Variants in CMSS1 observed in about 807,000 individuals in gnomAD.
The protein encoded by CMSS1 is protein CMSS1.
Under a neutral mutation model 43.5 loss-of-function variants are expected in CMSS1, and 33 were observed. The observed-to-expected ratio is 0.76, with a 90% confidence interval of 0.57 to 1.01. The LOEUF (loss-of-function observed/expected upper bound fraction) is 1.01, where lower values mean the gene tolerates loss of function less well. CMSS1 is among the 50% of genes least tolerant of loss of function. CMSS1 has a pLI of 0.00. For synonymous variants in CMSS1, 115 were observed against 117.2 expected (o/e 0.98, Z 0.12); for missense variants, 313 against 326.4 (o/e 0.96, Z 0.32).
At chr3:99,958,483 G>A (rs1708402587) in intron 1 of CMSS1, among the ~76,000 whole-genome samples, 1 of 152,072 alleles carries the variant, frequency 6.6e-6, no homozygotes, top group Non-Finnish European at 1.5e-5. Context: ...CAAGGACCAT[G>A]CAAAGAAAGG....
At position 99,969,776 on chromosome 3, in the gene CMSS1, G is replaced by A. The variant is rs545550826; in HGVS notation, c.64+151733G>A. On this transcript the variant is annotated intron_variant, in intron 1 of 9. Coordinates refer to ENST00000421999, the MANE Select transcript of CMSS1 (RefSeq NM_032359.4). The stretch of plus-strand genomic sequence containing the variant: ...ATCTGTGACCATGGAGATGAAGAAG[G>A]TGAGGAATTTATAGTTTATTGGATG... Among the ~76,000 whole-genome samples the A allele has an allele frequency of 3.3e-5, 5 of 152,260 alleles. No individual in the cohort carries two copies. The East Asian group carries it at 9.6e-4, about 29-fold the overall frequency.
chr3:100,084,418 A>G (rs887150334), intron 1 of CMSS1, among the ~76,000 whole-genome samples: 6 of 152,196 alleles, frequency 3.9e-5, no homozygotes, highest in African/African-American at 1.4e-4. Flanking sequence ...CTGCTTGCAA[A>G]TTCACATTTT....
intron 1 of CMSS1, among the ~76,000 whole-genome samples, chr3:99,984,871 A>G (rs1313010145): frequency 6.6e-6 from 1 of 152,242 alleles, no homozygotes; most frequent in Non-Finnish European, 1.5e-5. Flanking sequence ...AGCACAGTAT[A>G]TAGATATTAA....
intron 1 of CMSS1, among the ~76,000 whole-genome samples, chr3:99,979,498 C>T (rs144772408): frequency 0.013 from 1,902 of 152,158 alleles, 30 homozygotes; most frequent in African/African-American, 0.043. Flanking sequence ...TCAGGTTGTT[C>T]ATAGGTAGAA....
At chr3:100,021,307 G>C (rs1458773557) in intron 1 of CMSS1, among the ~76,000 whole-genome samples, 4 of 152,194 alleles carry the variant, frequency 2.6e-5, no homozygotes, top group South Asian at 4.1e-4. Flanking sequence ...TTGTTAAAAA[G>C]TGAGGCTCAG....
At chr3:99,938,783 A>G (rs1351519967) in intron 1 of CMSS1, among the ~76,000 whole-genome samples, 1 of 152,176 alleles carries the variant, frequency 6.6e-6, no homozygotes, top group Admixed American at 6.5e-5. Context: ...TTGTGCTCAC[A>G]TGGCCAGATT....
At chr3:100,013,564 TA>T (rs1406526407) in intron 1 of CMSS1, among the ~76,000 whole-genome samples, 1 of 152,128 alleles carries the variant, frequency 6.6e-6, no homozygotes, top group African/African-American at 2.4e-5. Flanking sequence ...TTTTATTAGA[TA>T]AAAAGTATGT....
intron 1 of CMSS1, among the ~76,000 whole-genome samples, chr3:100,037,756 G>A (rs2065132000): frequency 6.6e-6 from 1 of 152,208 alleles, no homozygotes; most frequent in African/African-American, 2.4e-5. Flanking sequence ...ATAAAGCTGT[G>A]TATAAGTGAA....
At chr3:99,923,142 TGCCAA>T (rs1484551721) in intron 1 of CMSS1, among the ~76,000 whole-genome samples, 1 of 152,060 alleles carries the variant, frequency 6.6e-6, no homozygotes, top group Non-Finnish European at 1.5e-5. Context: ...TCCAGAAAAC[TGCCAA>T]GCCTTGATGT....
Position 100,167,733 on chromosome 3 carries a change from T to C in CMSS1, c.416-5T>C, listed in dbSNP as rs145645351. On this transcript the variant is annotated splice_polypyrimidine_tract_variant and splice_region_variant and intron_variant, in intron 5 of 9. Coordinates refer to ENST00000421999, the MANE Select transcript of CMSS1 (RefSeq NM_032359.4). Reference sequence around the variant, plus strand: ...CAAATAATTGTTTTCTGTTCTTTTTTCCAGTTTGTCCTAAGTGGGTAAAAC... The same window carrying C: ...CAAATAATTGTTTTCTGTTCTTTTTCCCAGTTTGTCCTAAGTGGGTAAAAC... 4.8e-5 allele frequency: 77 copies of C among 1,594,128 alleles called. 1 individual carries two copies. In the East Asian group the frequency reaches 1.7e-3, roughly 34 times the overall value.
chr3:100,060,915 A>G (rs1223503953), intron 1 of CMSS1, among the ~76,000 whole-genome samples: 1 of 152,172 alleles, frequency 6.6e-6, no homozygotes, highest in Non-Finnish European at 1.5e-5. Context: ...ATACAGATCT[A>G]TCAATGGCCT....
chr3:100,156,003 C>T (rs1161340330), intron 2 of CMSS1, among the ~76,000 whole-genome samples: 1 of 152,076 alleles, frequency 6.6e-6, no homozygotes, highest in Non-Finnish European at 1.5e-5. Context: ...ATTCATAGTA[C>T]CCTATACCTA....
At chr3:100,175,768 T>C (rs1312888977) in intron 8 of CMSS1, among the ~76,000 whole-genome samples, 1 of 152,090 alleles carries the variant, frequency 6.6e-6, no homozygotes, top group Non-Finnish European at 1.5e-5. Flanking sequence ...GCCCTCACAG[T>C]CCATAATTGT....
At chr3:100,163,467 C>T (rs1458376497) in intron 4 of CMSS1, among the ~76,000 whole-genome samples, 1 of 152,114 alleles carries the variant, frequency 6.6e-6, no homozygotes, top group Non-Finnish European at 1.5e-5. Flanking sequence ...ATTTTAGATC[C>T]TCTGCCTTAG....
intron 1 of CMSS1, among the ~76,000 whole-genome samples, chr3:100,094,862 G>T (rs939122227): frequency 3.3e-5 from 5 of 151,556 alleles, no homozygotes; most frequent in South Asian, 4.2e-4. Context: ...TTGTGTGTGT[G>T]TTTTTTTAGT....
intron 1 of CMSS1, among the ~76,000 whole-genome samples, chr3:99,888,082 C>T (rs988771751): frequency 2.0e-5 from 3 of 152,030 alleles, no homozygotes; most frequent in Non-Finnish European, 4.4e-5. Flanking sequence ...GTACTATCTT[C>T]GGACAATTGG....
intron 1 of CMSS1, among the ~76,000 whole-genome samples, chr3:100,129,579 G>A (rs911385219): frequency 6.6e-6 from 1 of 152,092 alleles, no homozygotes; most frequent in African/African-American, 2.4e-5. Context: ...TTAAGTTTGG[G>A]CTTGAAAATT....
At chr3:100,156,307 T>TC (rs1384598671) in intron 2 of CMSS1, among the ~76,000 whole-genome samples, 52 of 133,392 alleles carry the variant, frequency 3.9e-4, no homozygotes, top group African/African-American at 1.4e-3. Context: ...TTCTTTTTTT[T>TC]TTTTTTTTTT....
intron 1 of CMSS1, among the ~76,000 whole-genome samples, chr3:99,883,808 C>G (rs939961707): frequency 3.3e-5 from 5 of 152,096 alleles, no homozygotes; most frequent in Middle Eastern, 3.2e-3. Context: ...AACTTTAATC[C>G]ACATAATAAC....
Sources: allele counts gnomAD v4.1 joint callset (sites outside exome capture counted in the v4.1 genomes callset), GRCh38; gene constraint gnomAD v4.1.1; transcripts MANE v1.5; gene names NCBI Gene and HGNC (gene_info 2026-07-23, HGNC 2026-07-21).